ZNF416: variants seen among roughly 807,000 people sequenced by gnomAD.
ZNF416 encodes zinc finger protein 416.
ZNF416 carries 5 observed loss-of-function variants against 10.9 expected under a neutral mutation model. That is an observed-to-expected ratio of 0.46 (90% CI 0.24 to 0.97). ZNF416 has a LOEUF of 0.97. Among genes scored for constraint, ZNF416 ranks in the 50% least tolerant of loss-of-function variants. The pLI, the probability that ZNF416 is intolerant of heterozygous loss-of-function variation, is 0.19. For missense variants in ZNF416, 675 were observed against 715.0 expected, an observed-to-expected ratio of 0.94 and a Z score of 0.64; for synonymous variants, 267 against 251.8, an observed-to-expected ratio of 1.06 and a Z score of -0.57.
At chr19:57,578,518 G>A (rs1978633279) in intron 1 of ZNF416, 154 bp downstream of exon 1, 1 of 832,720 alleles carries the variant, frequency 1.2e-6, no homozygotes, top group East Asian at 3.0e-5. Flanking sequence ...CACAGCCCAC[G>A]ACACCAGGCT....
Position 57,572,750 on chromosome 19 carries a change from C to A in ZNF416, c.1154G>T (p.Gly385Val). ...TTGTCTGAATAATTTCCCACATTCA[C>A]CACACTCATATGGCTTTTCTCCTGT... The part of the protein sequence containing the change: ...THTGEKPYEC[G>V]ECGKLFRQSF... The change falls in exon 4 of 4, where the codon GGT (glycine) becomes GTT (valine). Residue 385 changes from glycine (G) to valine (V), a missense_variant. Gly to Val is a moderately radical substitution (Grantham distance 109). Coordinates refer to ENST00000196489, the MANE Select transcript of ZNF416 (RefSeq NM_017879.3). This position sits in a 1 kb window ranked among gnomAD's most constrained non-coding sequence, Gnocchi z 4.5. The A allele has an allele frequency of 6.2e-7, 1 of 1,614,174 alleles. No individual in the cohort carries two copies. Among genetic ancestry groups the A allele is most frequent in the Non-Finnish European group, 8.5e-7 (1 of 1,180,042 alleles).
In ZNF416 at chr19:57,572,690, G is replaced by A. The variant is rs369374347; in HGVS notation, c.1214C>T (p.Thr405Ile). 3.1e-6 allele frequency: 5 copies of A among 1,614,134 alleles called. No homozygotes were observed. The highest frequency in any genetic ancestry group is 4.2e-6 in the Non-Finnish European group (5 of 1,180,020). ...GCCACACTCATAAGGCCTTGCTGTA[G>A]TGTGAATTCTCTGGTGTACAACAAG... ...FSLVVHQRIH[T>I]TARPYECGQC... is the part of the protein sequence containing the mutation. Residue 405 changes from threonine (T) to isoleucine (I), a missense_variant, in exon 4 of 4, where the codon ACT (threonine) becomes ATT (isoleucine). Thr to Ile is a moderately conservative substitution (Grantham distance 89). Transcript: ENST00000196489. The surrounding 1 kb of genome is among the most constrained non-coding windows in gnomAD (Gnocchi z 4.5).
chr19:57,574,454 C>A (rs1324548691), intron 3 of ZNF416, among the ~76,000 whole-genome samples: 1 of 152,208 alleles, frequency 6.6e-6, no homozygotes, highest in East Asian at 1.9e-4. Flanking sequence ...GCTCTTGCTA[C>A]TGCAGGTGAT....
intron 2 of ZNF416, among the ~76,000 whole-genome samples, chr19:57,577,366 C>A: frequency 6.6e-6 from 1 of 152,172 alleles, no homozygotes; most frequent in East Asian, 1.9e-4. Context: ...ACTTTACAAT[C>A]CTCGCTAGTG....
intron 2 of ZNF416, among the ~76,000 whole-genome samples, chr19:57,577,412 C>G (rs1186866262): frequency 6.6e-6 from 1 of 152,142 alleles, no homozygotes; most frequent in Non-Finnish European, 1.5e-5. Context: ...ACCCAAACAC[C>G]TTGCTTTTAC....
intron 2 of ZNF416, among the ~76,000 whole-genome samples, chr19:57,577,036 C>A (rs151120562): frequency 6.6e-6 from 1 of 152,104 alleles, no homozygotes; most frequent in African/African-American, 2.4e-5. Flanking sequence ...TGACCCCCAA[C>A]CTTCCTTCCC....
In ZNF416 at chr19:57,578,721, C is replaced by T; in HGVS notation, c.-17G>A. 4 of 1,496,380 alleles carry T rather than the reference C, an allele frequency of 2.7e-6. No individual in the cohort carries two copies. Among genetic ancestry groups the T allele is most frequent in the Non-Finnish European group, 3.6e-6 (4 of 1,119,662 alleles). 92.7% of individuals were successfully genotyped at this position (1,496,380 alleles called of 1,614,324 possible). ...CGCCGCCATCGGATTGTGAGCGGAGCGGGGCCGGGAGCGGCGGGCGACCCG... is the reference window on the plus strand; with the variant it reads ...CGCCGCCATCGGATTGTGAGCGGAGTGGGGCCGGGAGCGGCGGGCGACCCG... On this transcript the variant is annotated 5_prime_UTR_variant, in exon 1 of 4. Coordinates refer to ENST00000196489, the MANE Select transcript of ZNF416 (RefSeq NM_017879.3).
rs779387343 is a variant in ZNF416, at chr19:57,575,809, G to A, written c.197C>T (p.Ala66Val). 1.9e-6 allele frequency: 3 copies of A among 1,614,048 alleles called. No homozygotes were observed. Among genetic ancestry groups the A allele is most frequent in the Admixed American group, 1.7e-5 (1 of 60,022 alleles). ...VMLENFALIT[A>V]LVCWHGMEDE... ...AGTGGGTGTGAGGGCCTTACCCAGCGCAGTTATAAGTGCAAAGTTCTCCAG... is the reference window on the plus strand; with the variant it reads ...AGTGGGTGTGAGGGCCTTACCCAGCACAGTTATAAGTGCAAAGTTCTCCAG... The change falls in exon 3 of 4, where the codon GCG (alanine) becomes GTG (valine). Residue 66 changes from alanine (A) to valine (V), a missense_variant. By Grantham distance (64) the Ala-to-Val change is moderately conservative. Coordinates refer to ENST00000196489, the MANE Select transcript of ZNF416 (RefSeq NM_017879.3). This position sits in a 1 kb window ranked among gnomAD's most constrained non-coding sequence, Gnocchi z 4.4.
chr19:57,571,878 G>A lies in ZNF416; in HGVS notation c.*241C>T, dbSNP rs933679041. On this transcript the variant is annotated 3_prime_UTR_variant, in exon 4 of 4. Coordinates refer to ENST00000196489, the MANE Select transcript of ZNF416 (RefSeq NM_017879.3). The stretch of plus-strand genomic sequence containing the variant: ...ATCTGCCTCGCCTTAGTATGCAAGG[G>A]TGACTAATGATTTAACTCTGGCAAA... The A allele has an allele frequency of 1.6e-5, 8 of 513,370 alleles. No individual in the cohort carries two copies. The highest frequency in any genetic ancestry group is 9.7e-5 in the Admixed American group (3 of 30,912). The allele number at this position is 513,370 out of a possible 1,614,324, so 31.8% of individuals were successfully genotyped here.
chr19:57,575,012 C>T lies in ZNF416; in HGVS notation c.202+792G>A, dbSNP rs150804585. Reference sequence around the variant, plus strand: ...GGAGGGCAGGAAGATGGGGGCAGCACGAGGCCGGATGTCCCAGATGAAGCA... The same window carrying T: ...GGAGGGCAGGAAGATGGGGGCAGCATGAGGCCGGATGTCCCAGATGAAGCA... On this transcript the variant is annotated intron_variant, in intron 3 of 3. Transcript: ENST00000196489. This position sits in a 1 kb window ranked among gnomAD's most constrained non-coding sequence, Gnocchi z 4.4. Among the ~76,000 whole-genome samples, 391 of 152,180 alleles carry T rather than the reference C, an allele frequency of 2.6e-3. 2 individuals carry two copies. The highest frequency in any genetic ancestry group is 4.0e-3 in the Non-Finnish European group (273 of 67,994).
In ZNF416 at chr19:57,573,617, G is replaced by A; in HGVS notation, c.287C>T (p.Ala96Val). 1.2e-6 allele frequency: 2 copies of A among 1,614,218 alleles called. No homozygotes were observed. Among genetic ancestry groups the A allele is most frequent in the South Asian group, 1.1e-5 (1 of 91,084 alleles). The change falls in exon 4 of 4, where the codon GCC (alanine) becomes GTC (valine). Residue 96 changes from alanine (A) to valine (V), a missense_variant. Coordinates refer to ENST00000196489, the MANE Select transcript of ZNF416 (RefSeq NM_017879.3). ...EGVPQVRTPE[A>V]SPSTQKIQSC... ...TTGAATCTTCTGGGTGGATGGACTG[G>A]CCTCTGGAGTCCTGACCTGAGGTAC...
chr19:57,575,978 A>G lies in ZNF416; in HGVS notation c.76-48T>C. The G allele has an allele frequency of 6.3e-7, 1 of 1,590,928 alleles. No homozygotes were observed. The highest frequency in any genetic ancestry group is 8.6e-7 in the Non-Finnish European group (1 of 1,166,716). Reference sequence around the variant, plus strand: ...TTCCATGATCAGATTCTCTCCTAGGACCCCAAGTTCATGCCCCCCACACAT... The same window carrying G: ...TTCCATGATCAGATTCTCTCCTAGGGCCCCAAGTTCATGCCCCCCACACAT... On this transcript the variant is annotated intron_variant, in intron 2 of 3. Coordinates refer to ENST00000196489, the MANE Select transcript of ZNF416 (RefSeq NM_017879.3). This position sits in a 1 kb window ranked among gnomAD's most constrained non-coding sequence, Gnocchi z 4.4.
In ZNF416 at chr19:57,575,787, G is replaced by A. The variant is rs751306816; in HGVS notation, c.202+17C>T. 6.2e-7 allele frequency: 1 copy of A among 1,613,980 alleles called. No homozygotes were observed. Among genetic ancestry groups the A allele is most frequent in the South Asian group, 1.1e-5 (1 of 91,076 alleles). On this transcript the variant is annotated intron_variant, in intron 3 of 3. Coordinates refer to ENST00000196489, the MANE Select transcript of ZNF416 (RefSeq NM_017879.3). This position sits in a 1 kb window ranked among gnomAD's most constrained non-coding sequence, Gnocchi z 4.4. ...TAGACGAAGACCAGGACACGAGAGT[G>A]GGTGTGAGGGCCTTACCCAGCGCAG...
At chr19:57,576,903 A>G (rs563800616) in intron 2 of ZNF416, among the ~76,000 whole-genome samples, 134 of 152,138 alleles carry the variant, frequency 8.8e-4, no homozygotes, top group African/African-American at 3.1e-3. Flanking sequence ...CTCTTCTCCT[A>G]GATCCTTGGC....
Position 57,575,678 on chromosome 19 carries a change from T to G in ZNF416, c.202+126A>C, listed in dbSNP as rs1978504404. 1 of 1,323,858 alleles carries G rather than the reference T, an allele frequency of 7.6e-7. No individual in the cohort carries two copies. The highest frequency in any genetic ancestry group is 1.1e-6 in the Non-Finnish European group (1 of 924,740). 82.0% of individuals were successfully genotyped at this position (1,323,858 alleles called of 1,614,324 possible). ...TTAAGGAGTGCAATGATTTCATTCC[T>G]TACACCACAGCACATACGCCAAGAC... On this transcript the variant is annotated intron_variant, in intron 3 of 3. Coordinates refer to ENST00000196489, the MANE Select transcript of ZNF416 (RefSeq NM_017879.3). The surrounding 1 kb of genome is among the most constrained non-coding windows in gnomAD (Gnocchi z 4.4).
At chr19:57,577,474 A>G (rs1316756287) in intron 2 of ZNF416, among the ~76,000 whole-genome samples, 1 of 152,096 alleles carries the variant, frequency 6.6e-6, no homozygotes, top group Non-Finnish European at 1.5e-5. Flanking sequence ...ACTTAAAAAA[A>G]CTGATCTAAA....
intron 2 of ZNF416, among the ~76,000 whole-genome samples, chr19:57,576,188 C>A (rs1978529510): frequency 6.6e-6 from 1 of 152,164 alleles, no homozygotes. Flanking sequence ...TGGATTTTGT[C>A]TTGTCAGACA....
Position 57,578,754 on chromosome 19 carries a change from A to G in ZNF416, c.-50T>C. Reference sequence around the variant, plus strand: ...GGAGCGGCGGGCGACCCGGGGCGGGAACCCAGGCACGGCTGCCACCAGCGC... The same window carrying G: ...GGAGCGGCGGGCGACCCGGGGCGGGGACCCAGGCACGGCTGCCACCAGCGC... On this transcript the variant is annotated 5_prime_UTR_variant, in exon 1 of 4. Coordinates refer to ENST00000196489, the MANE Select transcript of ZNF416 (RefSeq NM_017879.3). The G allele has an allele frequency of 7.0e-7, 1 of 1,426,928 alleles. No individual in the cohort carries two copies. Among genetic ancestry groups the G allele is most frequent in the Non-Finnish European group, 9.2e-7 (1 of 1,083,616 alleles). 88.4% of individuals were successfully genotyped at this position (1,426,928 alleles called of 1,614,324 possible).
chr19:57,574,170 A>G (rs185920975), intron 3 of ZNF416, among the ~76,000 whole-genome samples: 9 of 152,286 alleles, frequency 5.9e-5, no homozygotes, highest in Non-Finnish European at 7.4e-5. Context: ...CATACTCCCA[A>G]TCACATTTTC....
Sources: allele counts gnomAD v4.1 joint callset (sites outside exome capture counted in the v4.1 genomes callset), GRCh38; gene constraint gnomAD v4.1.1; non-coding constraint Gnocchi (gnomAD v3.1); transcripts MANE v1.5; gene names NCBI Gene and HGNC (gene_info 2026-07-23, HGNC 2026-07-21).